The following RBFOX1 variants were observed in gnomAD, a reference collection of about 807,000 sequenced individuals.
RBFOX1 encodes the protein RNA binding fox-1 homolog 1, also known as RNA binding protein fox-1 homolog 1.
In RBFOX1, 8 loss-of-function variants were observed where a neutral mutation model predicts 57.7. That is an observed-to-expected ratio of 0.14 (90% CI 0.08 to 0.25). The LOEUF (loss-of-function observed/expected upper bound fraction) is 0.25, where lower values mean the gene tolerates loss of function less well. Among genes scored for constraint, RBFOX1 ranks in the 10% least tolerant of loss-of-function variants. RBFOX1 has a pLI of 1.00. For missense variants in RBFOX1, 611 were observed against 548.5 expected, an observed-to-expected ratio of 1.11 and a Z score of -1.14; for synonymous variants, 326 against 222.4, an observed-to-expected ratio of 1.47 and a Z score of -4.15.
intron 2 of RBFOX1, among the ~76,000 whole-genome samples, chr16:6,540,578 C>T (rs931741745): frequency 8.0e-6 from 1 of 125,672 alleles, no homozygotes. Flanking sequence ...CACCACTGTA[C>T]TCCAGTCTGG....
chr16:7,359,295 C>T (rs2097275130), intron 4 of RBFOX1, among the ~76,000 whole-genome samples: 1 of 152,144 alleles, frequency 6.6e-6, no homozygotes, highest in African/African-American at 2.4e-5. Flanking sequence ...CTGTATGTAG[C>T]ATGTAGCTAC....
chr16:6,974,462 A>T (rs1352651261), intron 3 of RBFOX1, among the ~76,000 whole-genome samples: 1 of 145,914 alleles, frequency 6.9e-6, no homozygotes, highest in Non-Finnish European at 1.5e-5. Context: ...ATCCTGCCTC[A>T]GCCTCCCAAG....
intron 4 of RBFOX1, among the ~76,000 whole-genome samples, chr16:7,209,966 T>C (rs1258087477): frequency 6.6e-6 from 1 of 152,300 alleles, no homozygotes; most frequent in Non-Finnish European, 1.5e-5. Flanking sequence ...TTAAGCCCCA[T>C]TGATTCACCT....
intron 10 of RBFOX1, among the ~76,000 whole-genome samples, chr16:7,616,119 C>G (rs569335282): frequency 1.3e-5 from 2 of 152,320 alleles, no homozygotes; most frequent in South Asian, 4.1e-4. Context: ...GTCCCCAAGA[C>G]CACTCTCAGG....
At chr16:7,311,370 C>T (rs1017187035) in intron 4 of RBFOX1, among the ~76,000 whole-genome samples, 1 of 151,840 alleles carries the variant, frequency 6.6e-6, no homozygotes, top group African/African-American at 2.4e-5. Context: ...TTTTTCTCCC[C>T]TTTTGTGGCC....
intron 3 of RBFOX1, among the ~76,000 whole-genome samples, chr16:6,844,729 A>G (rs920952533): frequency 6.6e-6 from 1 of 152,154 alleles, no homozygotes; most frequent in African/African-American, 2.4e-5. Context: ...GTCAAATGGT[A>G]TTTCTGCATC....
At chr16:5,658,495 T>C (rs531859215) in intron 3 of RBFOX1, among the ~76,000 whole-genome samples, 208 of 152,238 alleles carry the variant, frequency 1.4e-3, no homozygotes, top group Non-Finnish European at 2.6e-3. Flanking sequence ...AAAATGGCAG[T>C]GATTTTCCAA....
chr16:6,162,312 C>T (rs1043437918), intron 1 of RBFOX1, among the ~76,000 whole-genome samples: 2 of 152,090 alleles, frequency 1.3e-5, no homozygotes, highest in Admixed American at 1.3e-4. Context: ...GACGGGGTTT[C>T]ACCATGTTGG....
At chr16:5,439,981 C>G (rs747757345) in intron 1 of RBFOX1, among the ~76,000 whole-genome samples, 10 of 152,022 alleles carry the variant, frequency 6.6e-5, no homozygotes, top group African/African-American at 1.2e-4. Flanking sequence ...GGATAAATGC[C>G]AGAGCTAAAG....
In RBFOX1 at chr16:6,971,509, GGTGTGT is replaced by G. The variant is rs34694992; in HGVS notation, c.-15-80535_-15-80530del. Among the ~76,000 whole-genome samples, 6 of 149,926 alleles carry G rather than the reference GGTGTGT, an allele frequency of 4.0e-5. No individual in the cohort carries two copies. In the East Asian group the frequency reaches 1.2e-3, roughly 30 times the overall value. On this transcript the variant is annotated intron_variant, in intron 3 of 15. Coordinates refer to ENST00000550418, the MANE Select transcript of RBFOX1 (RefSeq NM_018723.4). ...TGAAGAGAGAGAGAGAGAGAGAGTT[GGTGTGT>G]GTGTGTGTGTGTACCACTGGAGAAT...
intron 4 of RBFOX1, among the ~76,000 whole-genome samples, chr16:7,158,995 C>G (rs957482477): frequency 3.9e-5 from 6 of 152,016 alleles, no homozygotes; most frequent in African/African-American, 1.5e-4. Flanking sequence ...ACAAGGATCC[C>G]TCAGATTCCC....
At chr16:7,342,034 A>T (rs1025988211) in intron 4 of RBFOX1, among the ~76,000 whole-genome samples, 1 of 152,042 alleles carries the variant, frequency 6.6e-6, no homozygotes, top group Admixed American at 6.5e-5. Context: ...TCACTTGTTC[A>T]TTCCACATTG....
intron 14 of RBFOX1, among the ~76,000 whole-genome samples, chr16:7,704,500 C>G (rs941460962): frequency 3.9e-5 from 6 of 152,146 alleles, no homozygotes; most frequent in African/African-American, 1.4e-4. Context: ...TGAATGGGAT[C>G]ATAATTACAG....
Position 6,011,922 on chromosome 16 carries a change from A to C in RBFOX1, c.351+144587A>C, listed in dbSNP as rs146907613. On this transcript the variant is annotated intron_variant, in intron 4 of 19. Coordinates refer to the RBFOX1 transcript ENST00000641259. ...AACACTCAGCCCAATATGAAGCATG[A>C]GAGGAGTGAACTACAATATTTGTAA... Among the ~76,000 whole-genome samples the C allele has an allele frequency of 2.9e-3, 436 of 152,308 alleles. 4 individuals are homozygous for C. The highest frequency in any genetic ancestry group is 9.8e-3 in the African/African-American group (408 of 41,566).
chr16:6,156,032 C>T (rs115645116), intron 1 of RBFOX1, among the ~76,000 whole-genome samples: 14 of 152,236 alleles, frequency 9.2e-5, no homozygotes, highest in African/African-American at 3.4e-4. Flanking sequence ...GAGACTGGGG[C>T]AGAGAAAAAT....
At chr16:6,420,909 G>T (rs142097430) in intron 2 of RBFOX1, among the ~76,000 whole-genome samples, 37 of 152,328 alleles carry the variant, frequency 2.4e-4, no homozygotes, top group African/African-American at 8.7e-4. Context: ...GGCTAGACCT[G>T]CATCAAAGGG....
chr16:6,126,865 C>G (rs1418661768), intron 1 of RBFOX1, among the ~76,000 whole-genome samples: 1 of 152,182 alleles, frequency 6.6e-6, no homozygotes, highest in Non-Finnish European at 1.5e-5. Context: ...GGCTTACACT[C>G]TCCTGAGAAG....
chr16:6,788,768 C>T (rs186036139), intron 3 of RBFOX1, among the ~76,000 whole-genome samples: 1 of 151,740 alleles, frequency 6.6e-6, no homozygotes, highest in Non-Finnish European at 1.5e-5. Context: ...AGCGACCGTG[C>T]CCGGCCCCCC....
intron 1 of RBFOX1, among the ~76,000 whole-genome samples, chr16:5,273,130 G>A (rs1255664978): frequency 6.6e-6 from 1 of 152,240 alleles, no homozygotes; most frequent in Non-Finnish European, 1.5e-5. Flanking sequence ...TCCAGTGCCA[G>A]CTTGTTTGGA....
Sources: allele counts gnomAD v4.1 joint callset (sites outside exome capture counted in the v4.1 genomes callset), GRCh38; gene constraint gnomAD v4.1.1; transcripts MANE v1.5; gene names NCBI Gene and HGNC (gene_info 2026-07-23, HGNC 2026-07-21).